The following FER variants were observed in gnomAD, a reference collection of about 807,000 sequenced individuals.
The protein encoded by FER is tyrosine-protein kinase Fer.
FER carries 63 observed loss-of-function variants against 111.0 expected under a neutral mutation model. The ratio of observed to expected loss-of-function variants is 0.57; its 90% confidence interval spans 0.46 to 0.70. The LOEUF (loss-of-function observed/expected upper bound fraction) is 0.70. FER is among the 30% of genes least tolerant of loss of function. The probability of loss-of-function intolerance (pLI) is 0.00; values close to 1 mark genes in which losing one functional copy is unlikely to be tolerated. For missense variants in FER, 914 were observed against 954.0 expected (o/e 0.96, Z 0.55); for synonymous variants, 327 against 313.9 (o/e 1.04, Z -0.44).
chr5:108,960,989 G>A (rs886717902), intron 13 of FER, among the ~76,000 whole-genome samples: 1 of 152,198 alleles, frequency 6.6e-6, no homozygotes, highest in Non-Finnish European at 1.5e-5. Flanking sequence ...TTGGGGGGCT[G>A]AGATGGGAGG....
chr5:108,816,228 A>G (rs538727542), intron 3 of FER, among the ~76,000 whole-genome samples: 2 of 152,304 alleles, frequency 1.3e-5, no homozygotes, highest in South Asian at 4.1e-4. Flanking sequence ...AAGAAGCACT[A>G]GGTGAATGCA....
At chr5:108,808,407 A>G (rs1479337380) in intron 3 of FER, among the ~76,000 whole-genome samples, 7 of 152,022 alleles carry the variant, frequency 4.6e-5, no homozygotes, top group African/African-American at 1.4e-4. Flanking sequence ...TTTATCTGAT[A>G]TAAGAATAGC....
chr5:109,180,680 A>G (rs914811007), intron 17 of FER, 67 bp from the exon 18 acceptor site: 98 of 1,508,522 alleles, frequency 6.5e-5, no homozygotes, highest in Non-Finnish European at 3.6e-5. Context: ...AAGTGTGGAA[A>G]TCATAAATGT....
intron 16 of FER, 91 bp from the exon 17 acceptor site, chr5:109,100,305 C>G: frequency 6.7e-7 from 1 of 1,490,480 alleles, no homozygotes; most frequent in Non-Finnish European, 9.1e-7. Flanking sequence ...ATGCATTTTG[C>G]TCTGTCAAAT....
At chr5:108,857,648 T>C (rs1398840575) in intron 5 of FER, among the ~76,000 whole-genome samples, 1 of 152,170 alleles carries the variant, frequency 6.6e-6, no homozygotes, top group Non-Finnish European at 1.5e-5. Flanking sequence ...GAAATGGTAA[T>C]TTTCTAATTC....
intron 17 of FER, among the ~76,000 whole-genome samples, chr5:109,119,008 T>C (rs1474298105): frequency 1.3e-5 from 2 of 152,110 alleles, no homozygotes; most frequent in African/African-American, 4.8e-5. Context: ...CTCTATCTCC[T>C]TCAGTTCTGC....
chr5:108,818,860 T>G (rs188095699), intron 3 of FER, among the ~76,000 whole-genome samples: 4 of 152,336 alleles, frequency 2.6e-5, no homozygotes, highest in Admixed American at 1.3e-4. Flanking sequence ...TTTTTAGATG[T>G]GCTCATACTA....
At chr5:109,051,483 G>A (rs1254215877) in intron 16 of FER, 1 of 1,612,586 alleles carries the variant, frequency 6.2e-7, no homozygotes, top group Non-Finnish European at 8.5e-7. Flanking sequence ...AGTTAGAGAT[G>A]GTGCTTCCCG....
At chr5:109,016,206 CA>C (rs1487056335) in intron 13 of FER, among the ~76,000 whole-genome samples, 6 of 151,942 alleles carry the variant, frequency 3.9e-5, no homozygotes, top group African/African-American at 1.5e-4. Flanking sequence ...TTATGTATTC[CA>C]AGGCATCCTG....
chr5:108,794,228 T>A (rs1465225869), intron 2 of FER, among the ~76,000 whole-genome samples: 1 of 151,844 alleles, frequency 6.6e-6, no homozygotes, highest in Non-Finnish European at 1.5e-5. Context: ...TTTTCTTTTT[T>A]TTTTTTGAGA....
chr5:109,031,184 T>C (rs779846811), intron 13 of FER, among the ~76,000 whole-genome samples: 5 of 152,138 alleles, frequency 3.3e-5, no homozygotes, highest in Non-Finnish European at 7.4e-5. Context: ...AGCCGCCTTC[T>C]ATGGCTATGT....
intron 17 of FER, among the ~76,000 whole-genome samples, chr5:109,114,904 T>C (rs1361407511): frequency 6.6e-6 from 1 of 152,040 alleles, no homozygotes; most frequent in Non-Finnish European, 1.5e-5. Flanking sequence ...TCTTCTAAAA[T>C]GAAGGTCTTG....
At chr5:109,159,399 A>G (rs949453349) in intron 17 of FER, among the ~76,000 whole-genome samples, 16 of 152,120 alleles carry the variant, frequency 1.1e-4, no homozygotes, top group South Asian at 2.1e-4. Flanking sequence ...TTTTAATTAC[A>G]TGCTAGAACT....
intron 17 of FER, among the ~76,000 whole-genome samples, chr5:109,159,505 G>C (rs1755770562): frequency 6.6e-6 from 1 of 151,794 alleles, no homozygotes. Context: ...TTCTTTAAAG[G>C]GCTTAAAACC....
intron 10 of FER, among the ~76,000 whole-genome samples, chr5:108,944,220 A>G (rs1001382674): frequency 6.6e-6 from 1 of 152,090 alleles, no homozygotes; most frequent in African/African-American, 2.4e-5. Context: ...TACTGTACCT[A>G]GAACTTTTCT....
rs551449048 is a variant in FER at position 109,042,354 on chromosome 5, A to T, written c.1714-2326A>T. Among the ~76,000 whole-genome samples, 3 of 152,220 alleles carry T rather than the reference A, an allele frequency of 2.0e-5. No individual in the cohort carries two copies. In the South Asian group the frequency reaches 6.2e-4, roughly 32 times the overall value. On this transcript the variant is annotated intron_variant, in intron 14 of 19. Transcript: ENST00000281092. ...AATCTCAATTCTGTCACCTAAGCTG[A>T]TCTTATATTCAGTCCCTCACCTCCC...
At chr5:109,140,740 A>G (rs548017591) in intron 17 of FER, among the ~76,000 whole-genome samples, 119 of 152,326 alleles carry the variant, frequency 7.8e-4, no homozygotes, top group Non-Finnish European at 1.5e-3. Context: ...TTAATACACA[A>G]AAATGCCTTT....
At chr5:109,009,581 C>A (rs555940695) in intron 13 of FER, among the ~76,000 whole-genome samples, 2 of 151,542 alleles carry the variant, frequency 1.3e-5, no homozygotes, top group South Asian at 4.3e-4. Flanking sequence ...TCTCACTACT[C>A]TTATAGAATC....
At chr5:108,955,113 A>T (rs967518764) in intron 12 of FER, among the ~76,000 whole-genome samples, 181 bp downstream of exon 12, 19 of 151,912 alleles carry the variant, frequency 1.3e-4, no homozygotes, top group African/African-American at 4.3e-4. Flanking sequence ...ATGTTTAAGG[A>T]AACATGTATT....
Sources: gnomAD v4.1 joint callset for allele counts (sites outside exome capture counted in the v4.1 genomes callset) on GRCh38, gnomAD v4.1.1 for gene constraint, MANE v1.5 for transcripts, NCBI Gene and HGNC (gene_info 2026-07-23, HGNC 2026-07-21) for gene names.